BMPR1B: variants seen among roughly 807,000 people sequenced by gnomAD.
The protein encoded by BMPR1B is bone morphogenetic protein receptor type 1B.
BMPR1B carries 12 observed loss-of-function variants against 59.1 expected under a neutral mutation model. That is an observed-to-expected ratio of 0.20 (90% confidence interval 0.13 to 0.33). The LOEUF is 0.33. Ranked by LOEUF, BMPR1B falls within the 10% of genes least tolerant of loss-of-function variation. The probability of loss-of-function intolerance (pLI) is 1.00; values close to 1 mark genes in which losing one functional copy is unlikely to be tolerated. For missense variants in BMPR1B, 550 were observed against 610.9 expected (o/e 0.90, Z 1.05); for synonymous variants, 237 against 207.3 (o/e 1.14, Z -1.23).
intron 3 of BMPR1B, among the ~76,000 whole-genome samples, chr4:95,036,902 G>T (rs1466232286): frequency 2.6e-5 from 4 of 151,968 alleles, no homozygotes; most frequent in Non-Finnish European, 4.4e-5. Context: ...AGACACCCCA[G>T]TTTTGCTGCC....
At chr4:94,904,502 A>G (rs1727958707) in intron 2 of BMPR1B, among the ~76,000 whole-genome samples, 3 of 152,084 alleles carry the variant, frequency 2.0e-5, no homozygotes. Flanking sequence ...TATTTATGGC[A>G]TTGCTTTTGC....
intron 4 of BMPR1B, among the ~76,000 whole-genome samples, chr4:95,107,343 A>C (rs1731263210): frequency 6.6e-6 from 1 of 152,058 alleles, no homozygotes; most frequent in Non-Finnish European, 1.5e-5. Context: ...TGATAACTGC[A>C]GTTTAGAGAT....
chr4:94,910,515 C>T (rs766681644), intron 2 of BMPR1B, among the ~76,000 whole-genome samples: 1 of 152,020 alleles, frequency 6.6e-6, no homozygotes, highest in Non-Finnish European at 1.5e-5. Context: ...ATAAGATAAG[C>T]TAAGTAACAT....
chr4:95,133,297 C>G (rs997732829), intron 10 of BMPR1B, among the ~76,000 whole-genome samples: 1 of 152,150 alleles, frequency 6.6e-6, no homozygotes, highest in Non-Finnish European at 1.5e-5. Context: ...TAATTTTGGG[C>G]ATCAAAATAA....
At chr4:95,053,096 C>T (rs557283641) in intron 3 of BMPR1B, among the ~76,000 whole-genome samples, 19 of 152,292 alleles carry the variant, frequency 1.2e-4, no homozygotes, top group African/African-American at 4.6e-4. Context: ...CCATATGCTA[C>T]AGACAGAATC....
chr4:94,819,248 C>G (rs1029024224), intron 1 of BMPR1B, among the ~76,000 whole-genome samples: 1 of 152,076 alleles, frequency 6.6e-6, no homozygotes, highest in Non-Finnish European at 1.5e-5. Context: ...ATATATTTCT[C>G]CCTCTTTTTT....
At chr4:94,883,008 T>G (rs1175871173) in intron 2 of BMPR1B, among the ~76,000 whole-genome samples, 2 of 126,186 alleles carry the variant, frequency 1.6e-5, no homozygotes, top group African/African-American at 2.9e-5. Context: ...GTGTGTGTGT[T>G]TCCTTCCCTG....
intron 1 of BMPR1B, among the ~76,000 whole-genome samples, chr4:94,821,761 C>G (rs1724218928): frequency 6.6e-6 from 1 of 152,090 alleles, no homozygotes; most frequent in Non-Finnish European, 1.5e-5. Context: ...TAAATGCTTT[C>G]TTGTTGAAGT....
chr4:94,936,934 A>G (rs1729327735), intron 2 of BMPR1B, among the ~76,000 whole-genome samples: 1 of 152,038 alleles, frequency 6.6e-6, no homozygotes, highest in Non-Finnish European at 1.5e-5. Context: ...CAAACTGTCT[A>G]CCATTTCATC....
chr4:95,150,920 A>G (rs998615001), intron 11 of BMPR1B, among the ~76,000 whole-genome samples: 18 of 152,214 alleles, frequency 1.2e-4, no homozygotes, highest in African/African-American at 3.6e-4. Flanking sequence ...ATTTAATAAG[A>G]TAATTTATAT....
At chr4:95,033,247 CTG>C (rs1485615534) in intron 3 of BMPR1B, among the ~76,000 whole-genome samples, 1 of 151,756 alleles carries the variant, frequency 6.6e-6, no homozygotes, top group African/African-American at 2.4e-5. Context: ...TGCCTTTTCA[CTG>C]TGTTGATTGC....
intron 3 of BMPR1B, among the ~76,000 whole-genome samples, chr4:95,071,628 G>A (rs1469947248): frequency 1.0e-5 from 1 of 99,176 alleles, no homozygotes; most frequent in Non-Finnish European, 2.0e-5. Context: ...ATATATATGT[G>A]TGTTTGTGTG....
intron 1 of BMPR1B, among the ~76,000 whole-genome samples, chr4:94,766,558 G>C (rs17022098): frequency 0.074 from 11,170 of 151,672 alleles, 481 homozygotes; most frequent in African/African-American, 0.12. Context: ...AGTGTATAAT[G>C]TTTTCTAAAA....
At chr4:94,868,326 C>G (rs1283779334) in intron 1 of BMPR1B, among the ~76,000 whole-genome samples, 2 of 151,950 alleles carry the variant, frequency 1.3e-5, no homozygotes, top group Non-Finnish European at 2.9e-5. Context: ...GCACCACTAC[C>G]ACCCAGCTAA....
intron 2 of BMPR1B, among the ~76,000 whole-genome samples, chr4:94,901,212 A>G (rs892081522): frequency 3.3e-5 from 5 of 152,014 alleles, no homozygotes; most frequent in Non-Finnish European, 7.4e-5. Flanking sequence ...CATGACATCA[A>G]TATAGTGGGT....
At chr4:94,968,797 A>C (rs1403729926) in intron 2 of BMPR1B, among the ~76,000 whole-genome samples, 1 of 152,102 alleles carries the variant, frequency 6.6e-6, no homozygotes, top group Admixed American at 6.5e-5. Context: ...TGTGTTCCCA[A>C]GGAATGTGGT....
intron 1 of BMPR1B, among the ~76,000 whole-genome samples, chr4:94,846,513 A>C (rs1234858652): frequency 6.6e-6 from 1 of 152,072 alleles, no homozygotes; most frequent in African/African-American, 2.4e-5. Flanking sequence ...GTGAAAAGGG[A>C]GACTGGCCTA....
At chr4:94,812,131 T>C (rs948009589) in intron 1 of BMPR1B, among the ~76,000 whole-genome samples, 1 of 152,186 alleles carries the variant, frequency 6.6e-6, no homozygotes, top group Non-Finnish European at 1.5e-5. Context: ...CAAGCACTTA[T>C]TGAGCATTAA....
chr4:94,768,659 A>C (rs1722062948), intron 1 of BMPR1B, among the ~76,000 whole-genome samples: 1 of 152,164 alleles, frequency 6.6e-6, no homozygotes, highest in Non-Finnish European at 1.5e-5. Flanking sequence ...TCTGATTGGA[A>C]GTTACTAAGT....
Sources: gnomAD v4.1 joint callset for allele counts (sites outside exome capture counted in the v4.1 genomes callset) on GRCh38, gnomAD v4.1.1 for gene constraint, MANE v1.5 for transcripts, NCBI Gene and HGNC (gene_info 2026-07-23, HGNC 2026-07-21) for gene names.